The following MAP2K5 variants were observed in gnomAD, a reference collection of about 807,000 sequenced individuals.
MAP2K5 encodes mitogen-activated protein kinase kinase 5.
MAP2K5 carries 49 observed loss-of-function variants against 83.1 expected under a neutral mutation model. The observed-to-expected ratio is 0.59, with a 90% CI of 0.47 to 0.75. The LOEUF (loss-of-function observed/expected upper bound fraction) is 0.75. Ranked by LOEUF, MAP2K5 falls within the 30% of genes least tolerant of loss-of-function variation. The probability of loss-of-function intolerance (pLI) is 0.00; values close to 1 mark genes in which losing one functional copy is unlikely to be tolerated. For missense variants in MAP2K5, 457 were observed against 557.5 expected (o/e 0.82, Z 1.82); for synonymous variants, 202 against 191.8 (o/e 1.05, Z -0.44).
At chr15:67,715,248 T>A in intron 16 of MAP2K5, among the ~76,000 whole-genome samples, 1 of 151,296 alleles carries the variant, frequency 6.6e-6, no homozygotes, top group African/African-American at 2.4e-5. Context: ...GGGGGGGGTC[T>A]AAAATTGTGT....
rs573696292 is a variant in MAP2K5 at position 67,673,481 on chromosome 15, A to G, written c.847+8836A>G. 5.9e-5 allele frequency among the ~76,000 whole-genome samples: 9 copies of G among 152,296 alleles called. No homozygotes were observed. In the East Asian group the frequency reaches 1.7e-3, roughly 29 times the overall value. On this transcript the variant is annotated intron_variant, in intron 13 of 21. Coordinates refer to ENST00000178640, the MANE Select transcript of MAP2K5 (RefSeq NM_145160.3). ...TTTTGTTATATTTATTAAATGGGAA[A>G]AGAGAAATGGTTTGGTAGAGGTAAA...
intron 15 of MAP2K5, among the ~76,000 whole-genome samples, chr15:67,695,420 C>T (rs998814824): frequency 6.6e-6 from 1 of 152,084 alleles, no homozygotes; most frequent in African/African-American, 2.4e-5. Context: ...AAAGTTTATA[C>T]TTTCTTGTAT....
Position 67,756,309 on chromosome 15 carries a change from T to G in MAP2K5, c.1134+7708T>G, listed in dbSNP as rs181183741. ...TTGATCAAGAACAGGAAGAAAGAAA[T>G]AAGAGACAAAGTAAAGATACACATA... On this transcript the variant is annotated intron_variant, in intron 19 of 21. Coordinates refer to ENST00000178640, the MANE Select transcript of MAP2K5 (RefSeq NM_145160.3). Among the ~76,000 whole-genome samples, 40 of 152,280 alleles carry G rather than the reference T, an allele frequency of 2.6e-4. 1 individual carries two copies. The highest frequency in any genetic ancestry group is 2.0e-3 in the Admixed American group (31 of 15,296).
In MAP2K5 at chr15:67,777,319, G is replaced by A. The variant is rs903731767; in HGVS notation, c.1242+4567G>A. 1.3e-5 allele frequency among the ~76,000 whole-genome samples: 2 copies of A among 152,266 alleles called. No homozygotes were observed. Among genetic ancestry groups the A allele is most frequent in the South Asian group, 2.1e-4 (1 of 4,826 alleles). On this transcript the variant is annotated intron_variant, in intron 21 of 21. Transcript: ENST00000178640. The surrounding 1 kb of genome is among the most constrained non-coding windows in gnomAD (Gnocchi z 6.0). Reference sequence around the variant, plus strand: ...CAGTTACAATTTGGGCTCAGAGTACGGTAGATCTTTCTATGCATTTAGAGT... The same window carrying A: ...CAGTTACAATTTGGGCTCAGAGTACAGTAGATCTTTCTATGCATTTAGAGT...
chr15:67,769,993 C>G lies in MAP2K5; in HGVS notation c.1196+330C>G, dbSNP rs1325339043. The G allele has an allele frequency of 3.7e-5, 7 of 190,720 alleles. No homozygotes were observed. In the Admixed American group the frequency reaches 4.1e-4, roughly 11 times the overall value. The allele number at this position is 190,720 out of a possible 1,614,324, so 11.8% of individuals were successfully genotyped here. ...TTATAGCCCCTACTGAACGGACGTACGAAGCTTATTTTTATTAATGTAACC... is the reference window on the plus strand; with the variant it reads ...TTATAGCCCCTACTGAACGGACGTAGGAAGCTTATTTTTATTAATGTAACC... On this transcript the variant is annotated intron_variant, in intron 20 of 21. Coordinates refer to ENST00000178640, the MANE Select transcript of MAP2K5 (RefSeq NM_145160.3). This position sits in a 1 kb window ranked among gnomAD's most constrained non-coding sequence, Gnocchi z 5.2.
At chr15:67,673,544 G>A (rs1237715922) in intron 13 of MAP2K5, among the ~76,000 whole-genome samples, 1 of 152,114 alleles carries the variant, frequency 6.6e-6, no homozygotes, top group African/African-American at 2.4e-5. Context: ...TTGATGTCAA[G>A]GTGGTAGTTA....
chr15:67,804,328 C>G (rs747603177), intron 21 of MAP2K5, among the ~76,000 whole-genome samples: 2 of 152,228 alleles, frequency 1.3e-5, no homozygotes, highest in Non-Finnish European at 2.9e-5. Context: ...GGCAACCACC[C>G]TAAACCAATC....
intron 16 of MAP2K5, among the ~76,000 whole-genome samples, chr15:67,706,935 A>C (rs1320266577): frequency 6.6e-6 from 1 of 152,206 alleles, no homozygotes; most frequent in Non-Finnish European, 1.5e-5. Context: ...TTTCTTTTTG[A>C]GACGGAGTCT....
intron 7 of MAP2K5, among the ~76,000 whole-genome samples, chr15:67,594,908 G>T (rs1202893407): frequency 6.6e-6 from 1 of 152,176 alleles, no homozygotes; most frequent in Non-Finnish European, 1.5e-5. Context: ...AACAGTGAGT[G>T]AAATTGCATT....
intron 21 of MAP2K5, among the ~76,000 whole-genome samples, chr15:67,803,440 T>C (rs1194818815): frequency 6.6e-6 from 1 of 152,180 alleles, no homozygotes; most frequent in Admixed American, 6.5e-5. Context: ...GCCTGCATTG[T>C]GCATGTCACA....
intron 17 of MAP2K5, among the ~76,000 whole-genome samples, chr15:67,741,697 G>A (rs2089496548): frequency 6.6e-6 from 1 of 152,114 alleles, no homozygotes; most frequent in Non-Finnish European, 1.5e-5. Context: ...ATAAAGGGGA[G>A]AAGGATAGAG....
chr15:67,692,402 G>A (rs1185515819), intron 13 of MAP2K5, 77 bp from the exon 14 acceptor site: 1 of 923,476 alleles, frequency 1.1e-6, no homozygotes, highest in African/African-American at 1.6e-5. Flanking sequence ...TTGGTGTGGT[G>A]TGCATGTGTG....
intron 1 of MAP2K5, among the ~76,000 whole-genome samples, chr15:67,544,472 G>A (rs780411619): frequency 1.2e-4 from 19 of 152,194 alleles, no homozygotes; most frequent in Non-Finnish European, 2.8e-4. Context: ...GAGCAGTGAG[G>A]TGAAATGGCT....
chr15:67,692,561 C>T lies in MAP2K5; in HGVS notation c.921+9C>T, dbSNP rs759215365. ...TTGGAGTTAGCACTCAGGTATGTCT[C>T]TTTTCCTCCCAGTGTACTGTTTTCT... On this transcript the variant is annotated intron_variant, in intron 14 of 21. Coordinates refer to ENST00000178640, the MANE Select transcript of MAP2K5 (RefSeq NM_145160.3). 5 of 1,605,508 alleles carry T rather than the reference C, an allele frequency of 3.1e-6. No homozygotes were observed. The highest frequency in any genetic ancestry group is 1.7e-4 in the Middle Eastern group (1 of 6,032).
chr15:67,624,000 G>A (rs2086249743), intron 8 of MAP2K5, among the ~76,000 whole-genome samples: 1 of 151,866 alleles, frequency 6.6e-6, no homozygotes, highest in African/African-American at 2.4e-5. Context: ...AGAGATAACT[G>A]AGACTTGGTG....
chr15:67,608,266 G>C (rs1299792286), intron 8 of MAP2K5, among the ~76,000 whole-genome samples: 1 of 152,172 alleles, frequency 6.6e-6, no homozygotes, highest in African/African-American at 2.4e-5. Flanking sequence ...TGGGTGCTGA[G>C]TTTACAGACA....
chr15:67,608,219 C>T (rs999096678), intron 8 of MAP2K5, among the ~76,000 whole-genome samples: 1 of 152,118 alleles, frequency 6.6e-6, no homozygotes, highest in Non-Finnish European at 1.5e-5. Flanking sequence ...GACATAGTGT[C>T]TGTCACTTTT....
At chr15:67,616,819 G>C (rs2086066666) in intron 8 of MAP2K5, among the ~76,000 whole-genome samples, 1 of 152,046 alleles carries the variant, frequency 6.6e-6, no homozygotes, top group South Asian at 2.1e-4. Flanking sequence ...CACTATTTTA[G>C]TGACTGGATT....
At chr15:67,631,939 G>A (rs2086482255) in intron 9 of MAP2K5, among the ~76,000 whole-genome samples, 1 of 151,866 alleles carries the variant, frequency 6.6e-6, no homozygotes, top group Admixed American at 6.6e-5. Flanking sequence ...AAATTGTTCA[G>A]ACCCTCTACA....
Sources: gnomAD v4.1 joint callset for allele counts (sites outside exome capture counted in the v4.1 genomes callset) on GRCh38, gnomAD v4.1.1 for gene constraint, Gnocchi (gnomAD v3.1) non-coding constraint, MANE v1.5 for transcripts, NCBI Gene and HGNC (gene_info 2026-07-23, HGNC 2026-07-21) for gene names.